ATG7: variants seen among roughly 807,000 people sequenced by gnomAD.
The protein encoded by ATG7 is ubiquitin-like modifier-activating enzyme ATG7.
In ATG7, 70 loss-of-function variants were observed where a neutral mutation model predicts 82.4. The observed-to-expected ratio is 0.85, with a 90% CI of 0.70 to 1.04. The LOEUF is 1.04. Ranked by LOEUF, ATG7 falls within the 50% of genes least tolerant of loss-of-function variation. The probability of loss-of-function intolerance (pLI) is 0.00; values close to 1 mark genes in which losing one functional copy is unlikely to be tolerated. For missense variants in ATG7, 792 were observed against 864.3 expected (o/e 0.92, Z 1.05); for synonymous variants, 287 against 313.0 (o/e 0.92, Z 0.88).
intron 20 of ATG7, among the ~76,000 whole-genome samples, chr3:11,505,916 C>T (rs965368463): frequency 2.0e-5 from 3 of 152,158 alleles, no homozygotes; most frequent in African/African-American, 7.2e-5. Flanking sequence ...ACCCCTGGCT[C>T]CACCATCTTC....
At chr3:11,521,333 G>A (rs1196671545) in intron 20 of ATG7, among the ~76,000 whole-genome samples, 3 of 152,170 alleles carry the variant, frequency 2.0e-5, no homozygotes, top group African/African-American at 7.2e-5. Context: ...GGAAAGGGTG[G>A]CTAAGAGTCA....
intron 9 of ATG7, among the ~76,000 whole-genome samples, chr3:11,323,918 T>C (rs1950527171): frequency 6.6e-6 from 1 of 152,232 alleles, no homozygotes; most frequent in African/African-American, 2.4e-5. Context: ...ATTTGTTAGA[T>C]TAGCATGTTT....
intron 20 of ATG7, among the ~76,000 whole-genome samples, chr3:11,442,956 G>T (rs1239632069): frequency 6.6e-6 from 1 of 151,898 alleles, no homozygotes; most frequent in Non-Finnish European, 1.5e-5. Context: ...ACAACTATTT[G>T]ATTTTAGTCA....
At chr3:11,322,086 G>A (rs1245012014) in intron 9 of ATG7, among the ~76,000 whole-genome samples, 1 of 152,178 alleles carries the variant, frequency 6.6e-6, no homozygotes, top group Non-Finnish European at 1.5e-5. Flanking sequence ...ATGCGCCTGT[G>A]ATTGGTTTCA....
chr3:11,555,247 C>T lies in ATG7; in HGVS notation c.*404C>T, dbSNP rs2072290599. ...CTGCGGGAGGTGGCACCCTCATCCC[C>T]GGAATGTGCTGCCCACCGCACCGCA... On this transcript the variant is annotated 3_prime_UTR_variant, in exon 21 of 21. Transcript: ENST00000693202. 1.6e-5 allele frequency: 3 copies of T among 190,004 alleles called. No homozygotes were observed. Among genetic ancestry groups the T allele is most frequent in the South Asian group, 1.4e-4 (1 of 7,274 alleles). 11.8% of individuals were successfully genotyped at this position (190,004 alleles called of 1,614,324 possible). A position where few individuals can be genotyped will look rare whatever the true frequency, so the allele number is the denominator to read the frequency against.
At chr3:11,416,595 C>T (rs1237081730) in intron 19 of ATG7, among the ~76,000 whole-genome samples, 2 of 152,112 alleles carry the variant, frequency 1.3e-5, no homozygotes, top group African/African-American at 4.8e-5. Context: ...GTGATTCTCT[C>T]TTTTTATCTT....
In ATG7 at chr3:11,519,947, A is replaced by G. The variant is rs145165967; in HGVS notation, c.2080-34864A>G. 3.3e-5 allele frequency among the ~76,000 whole-genome samples: 5 copies of G among 152,116 alleles called. No individual in the cohort carries two copies. In the East Asian group the frequency reaches 9.7e-4, roughly 29 times the overall value. ...TCCTTCCCCTCCCCACTTGCAGATA[A>G]TGACAGATTTTTTGGGATCTTACCA... On this transcript the variant is annotated intron_variant, in intron 20 of 20. Transcript: ENST00000693202.
chr3:11,494,841 A>G (rs1308275730), intron 20 of ATG7, among the ~76,000 whole-genome samples: 1 of 152,192 alleles, frequency 6.6e-6, no homozygotes, highest in East Asian at 1.9e-4. Context: ...TGAGAGGCCA[A>G]GGTGAGTGGA....
chr3:11,542,257 G>A (rs2070890908), intron 20 of ATG7, among the ~76,000 whole-genome samples: 1 of 152,238 alleles, frequency 6.6e-6, no homozygotes, highest in Non-Finnish European at 1.5e-5. Flanking sequence ...CACTCCAGGA[G>A]AGATCGTGTA....
At chr3:11,301,377 T>C (rs1485182903) in intron 5 of ATG7, among the ~76,000 whole-genome samples, 1 of 152,178 alleles carries the variant, frequency 6.6e-6, no homozygotes, top group Non-Finnish European at 1.5e-5. Flanking sequence ...GAAGAAGTCT[T>C]ATAGGTCTTT....
chr3:11,499,653 A>G (rs2091165868), intron 20 of ATG7, among the ~76,000 whole-genome samples: 1 of 151,654 alleles, frequency 6.6e-6, no homozygotes, highest in Non-Finnish European at 1.5e-5. Context: ...AGGCTGAGGC[A>G]GGAGAATCGC....
At chr3:11,308,928 G>A in intron 6 of ATG7, 56 bp from the exon 7 acceptor site, 2 of 1,503,100 alleles carry the variant, frequency 1.3e-6, no homozygotes, top group Non-Finnish European at 1.9e-6. Flanking sequence ...TCACCTGAGA[G>A]TGAGAAACTC....
chr3:11,545,499 CCT>C (rs2071202346), intron 20 of ATG7, among the ~76,000 whole-genome samples: 1 of 152,156 alleles, frequency 6.6e-6, no homozygotes, highest in South Asian at 2.1e-4. Flanking sequence ...GCCGCTCCTT[CCT>C]CTCTGCTCTT....
intron 18 of ATG7, among the ~76,000 whole-genome samples, chr3:11,367,114 G>T (rs2076676017): frequency 6.6e-6 from 1 of 151,930 alleles, no homozygotes; most frequent in Non-Finnish European, 1.5e-5. Flanking sequence ...AGGGTTGTGT[G>T]GTCCCCATGT....
chr3:11,525,757 T>A (rs1349484805), intron 20 of ATG7, among the ~76,000 whole-genome samples: 1 of 151,918 alleles, frequency 6.6e-6, no homozygotes, highest in Non-Finnish European at 1.5e-5. Flanking sequence ...GGTTTCACCG[T>A]GTTAGCCAGG....
chr3:11,381,151 CT>C (rs2077866330), intron 19 of ATG7, among the ~76,000 whole-genome samples: 2 of 152,312 alleles, frequency 1.3e-5, no homozygotes, highest in South Asian at 2.1e-4. Context: ...CAAGCTTAGA[CT>C]TTGTCAGTAG....
At chr3:11,426,677 A>G (rs2082389986) in intron 19 of ATG7, 127 bp from the exon 20 acceptor site, 2 of 932,466 alleles carry the variant, frequency 2.1e-6, no homozygotes, top group Non-Finnish European at 3.0e-6. Context: ...ACTAGATTGC[A>G]TTATTATCCC....
At chr3:11,566,739 G>A in the ATG7 span, among the ~76,000 whole-genome samples, 459 of 152,082 alleles carry the variant, frequency 3.0e-3, 1 homozygote, top group Non-Finnish European at 5.1e-3. Flanking sequence ...AAGGCGCCCC[G>A]TGCAAACCTT....
rs1020275658 is a variant in ATG7 at position 11,509,395 on chromosome 3, T to G, written c.2080-45416T>G. ...TGATGCAACATGAATTTCAGTGTGGTTTTTTTTTTTTTTAAGTGCCAAATT... is the reference window on the plus strand; with the variant it reads ...TGATGCAACATGAATTTCAGTGTGGGTTTTTTTTTTTTTAAGTGCCAAATT... On this transcript the variant is annotated intron_variant, in intron 20 of 20. Coordinates refer to ENST00000693202, the MANE Select transcript of ATG7 (RefSeq NM_001349232.2). 3.6e-5 allele frequency among the ~76,000 whole-genome samples: 5 copies of G among 139,646 alleles called. No homozygotes were observed. The East Asian group carries it at 8.7e-4, about 24-fold the overall frequency. 91.6% of individuals were successfully genotyped at this position (139,646 alleles called of 152,430 possible). A position where few individuals can be genotyped will look rare whatever the true frequency, so the allele number is the denominator to read the frequency against.
Sources: allele counts gnomAD v4.1 joint callset (sites outside exome capture counted in the v4.1 genomes callset), GRCh38; gene constraint gnomAD v4.1.1; transcripts MANE v1.5; gene names NCBI Gene and HGNC (gene_info 2026-07-23, HGNC 2026-07-21).